Variants in NRG3 observed in about 807,000 individuals in gnomAD.
NRG3 encodes the protein pro-neuregulin-3, membrane-bound isoform.
A neutral mutation model predicts 66.9 loss-of-function variants in NRG3; 31 were observed. That is an observed-to-expected ratio of 0.46 (90% CI 0.35 to 0.63). NRG3 has a LOEUF of 0.63. NRG3 is among the 20% of genes least tolerant of loss of function. The probability of loss-of-function intolerance (pLI) is 0.00; values close to 1 mark genes in which losing one functional copy is unlikely to be tolerated. For missense variants in NRG3, 910 were observed against 878.9 expected (o/e 1.04, Z -0.45); for synonymous variants, 393 against 359.4 (o/e 1.09, Z -1.06).
chr10:82,600,268 T>C (rs618341), intron 2 of NRG3, among the ~76,000 whole-genome samples: 11,923 of 152,236 alleles, frequency 0.078, 590 homozygotes, highest in East Asian at 0.15. Context: ...GTAGTTGTCA[T>C]TTAAATCAAT....
intron 1 of NRG3, among the ~76,000 whole-genome samples, chr10:81,979,705 T>G (rs553035750): frequency 6.6e-6 from 1 of 152,262 alleles, no homozygotes; most frequent in East Asian, 1.9e-4. Context: ...CGGACTCACA[T>G]GCATGCACAA....
At position 82,004,444 on chromosome 10, in the gene NRG3, C is replaced by A. The variant is rs1164011578; in HGVS notation, c.823+128281C>A. On this transcript the variant is annotated intron_variant, in intron 1 of 8. Transcript: ENST00000372141. ...CAGAGTGAAGAACTTTTCACACAAT[C>A]TTCTCTCTTTTCTCATTTATTTACC... Among the ~76,000 whole-genome samples the A allele has an allele frequency of 3.3e-5, 5 of 152,162 alleles. No homozygotes were observed. In the East Asian group the frequency reaches 9.7e-4, roughly 29 times the overall value.
chr10:82,610,338 A>G (rs1259536124), intron 2 of NRG3, among the ~76,000 whole-genome samples: 1 of 152,200 alleles, frequency 6.6e-6, no homozygotes, highest in Non-Finnish European at 1.5e-5. Flanking sequence ...CACCGGTTTC[A>G]GGGATTAGAG....
chr10:82,910,834 T>C (rs552155424), intron 4 of NRG3, among the ~76,000 whole-genome samples: 133 of 152,348 alleles, frequency 8.7e-4, no homozygotes, highest in Non-Finnish European at 1.9e-4. Flanking sequence ...TGGAAGGGTT[T>C]CAAAAGGAGT....
In NRG3 at chr10:82,844,913, G is replaced by T. The variant is rs180987907; in HGVS notation, c.1028-20498G>T. On this transcript the variant is annotated intron_variant, in intron 3 of 8. Coordinates refer to ENST00000372141, the MANE Select transcript of NRG3 (RefSeq NM_001010848.4). ...CTCACGCCTGTAATCCCAACACTTTGGGAGGCTGAGGCCGGCGGATCACTT... is the reference window on the plus strand; with the variant it reads ...CTCACGCCTGTAATCCCAACACTTTTGGAGGCTGAGGCCGGCGGATCACTT... 5.3e-3 allele frequency among the ~76,000 whole-genome samples: 807 copies of T among 152,266 alleles called. 7 individuals carry two copies. The highest frequency in any genetic ancestry group is 0.018 in the African/African-American group (754 of 41,558).
At chr10:82,827,727 A>G (rs774666251) in intron 3 of NRG3, among the ~76,000 whole-genome samples, 5 of 152,214 alleles carry the variant, frequency 3.3e-5, no homozygotes, top group Non-Finnish European at 5.9e-5. Flanking sequence ...AAGCAGAGAT[A>G]TAATAGGTTC....
intron 4 of NRG3, among the ~76,000 whole-genome samples, chr10:82,885,127 T>C (rs1002300572): frequency 2.0e-4 from 30 of 152,240 alleles, no homozygotes; most frequent in African/African-American, 6.5e-4. Context: ...GTCAATCTTC[T>C]ATCCAAGAAG....
intron 2 of NRG3, among the ~76,000 whole-genome samples, chr10:82,409,295 G>A (rs1310228932): frequency 1.3e-5 from 2 of 152,146 alleles, no homozygotes; most frequent in Non-Finnish European, 2.9e-5. Flanking sequence ...TTATTTAATA[G>A]TGGCATATAA....
intron 2 of NRG3, among the ~76,000 whole-genome samples, chr10:82,539,848 G>A (rs2043411211): frequency 6.6e-6 from 1 of 152,070 alleles, no homozygotes; most frequent in Non-Finnish European, 1.5e-5. Flanking sequence ...TGACCAGGCT[G>A]GTCTTGAGCT....
chr10:82,055,065 A>C (rs2063769774), intron 1 of NRG3, among the ~76,000 whole-genome samples: 1 of 151,684 alleles, frequency 6.6e-6, no homozygotes, highest in Non-Finnish European at 1.5e-5. Context: ...AGAAGAAAGA[A>C]AAGAAAGGAA....
At chr10:82,954,435 CA>C (rs1849833242) in intron 5 of NRG3, among the ~76,000 whole-genome samples, 1 of 151,824 alleles carries the variant, frequency 6.6e-6, no homozygotes, top group Non-Finnish European at 1.5e-5. Flanking sequence ...TTAATGAAAA[CA>C]ATCTTCAACA....
intron 2 of NRG3, among the ~76,000 whole-genome samples, chr10:82,391,068 T>C (rs1237999039): frequency 6.6e-6 from 1 of 152,224 alleles, no homozygotes; most frequent in Non-Finnish European, 1.5e-5. Context: ...TTTTAGCTTT[T>C]GGCTCAAGTG....
chr10:82,188,864 G>C (rs2073969939), intron 1 of NRG3, among the ~76,000 whole-genome samples: 1 of 151,982 alleles, frequency 6.6e-6, no homozygotes, highest in African/African-American at 2.4e-5. Flanking sequence ...GCTACAATTT[G>C]ATAGCACAAT....
At chr10:82,008,988 G>T (rs922742500) in intron 1 of NRG3, among the ~76,000 whole-genome samples, 2 of 152,056 alleles carry the variant, frequency 1.3e-5, no homozygotes, top group African/African-American at 2.4e-5. Flanking sequence ...GCTGCAGTTT[G>T]CATTTTTCCT....
intron 3 of NRG3, among the ~76,000 whole-genome samples, chr10:82,802,929 C>G (rs2061110177): frequency 6.6e-6 from 1 of 152,186 alleles, no homozygotes; most frequent in Non-Finnish European, 1.5e-5. Flanking sequence ...CCTGTCTTGG[C>G]TCCCAGAGTG....
chr10:82,670,244 C>T (rs2053160121), intron 2 of NRG3, among the ~76,000 whole-genome samples: 1 of 152,038 alleles, frequency 6.6e-6, no homozygotes, highest in Admixed American at 6.6e-5. Context: ...CCTTCTTTCA[C>T]ATCTCTGTTT....
chr10:82,480,164 A>C (rs1041528658), intron 2 of NRG3, among the ~76,000 whole-genome samples: 2 of 152,230 alleles, frequency 1.3e-5, no homozygotes, highest in African/African-American at 4.8e-5. Context: ...TTTAATTAGG[A>C]CACAAAGTAG....
At chr10:82,067,770 G>A (rs1300792046) in intron 1 of NRG3, among the ~76,000 whole-genome samples, 1 of 152,166 alleles carries the variant, frequency 6.6e-6, no homozygotes, top group Non-Finnish European at 1.5e-5. Flanking sequence ...GTGGAAGGGA[G>A]CCACTCAAGA....
chr10:82,747,456 T>A (rs894134863), intron 3 of NRG3, among the ~76,000 whole-genome samples: 111 of 152,196 alleles, frequency 7.3e-4, no homozygotes, highest in African/African-American at 2.6e-3. Context: ...TCTGTTTACA[T>A]TTCCGTGAGT....
Sources: gnomAD v4.1 joint callset for allele counts (sites outside exome capture counted in the v4.1 genomes callset) on GRCh38, gnomAD v4.1.1 for gene constraint, MANE v1.5 for transcripts, NCBI Gene and HGNC (gene_info 2026-07-23, HGNC 2026-07-21) for gene names.